Variants in PTPN5 observed in about 807,000 individuals in gnomAD.
PTPN5 encodes protein tyrosine phosphatase non-receptor type 5.
A neutral mutation model predicts 73.9 loss-of-function variants in PTPN5; 29 were observed. The observed-to-expected ratio is 0.39, with a 90% CI of 0.29 to 0.54. PTPN5 has a LOEUF of 0.54. Among genes scored for constraint, PTPN5 ranks in the 20% least tolerant of loss-of-function variants. The pLI is 0.65. For synonymous variants in PTPN5, 267 were observed against 304.7 expected (o/e 0.88, Z 1.29); for missense variants, 652 against 751.4 (o/e 0.87, Z 1.55).
chr11:18,742,583 GC>G lies in PTPN5; in HGVS notation c.484-81del, dbSNP rs936272518. ...TTCCTGGAGTGCCCATGGGATTGAC[GC>G]CCCCCCACTCCCTCAGTGTGTCTAG... On this transcript the variant is annotated intron_variant, in intron 6 of 14. Coordinates refer to ENST00000358540, the MANE Select transcript of PTPN5 (RefSeq NM_006906.2). This position sits in a 1 kb window ranked among gnomAD's most constrained non-coding sequence, Gnocchi z 4.1. The G allele has an allele frequency of 9.6e-6, 15 of 1,555,848 alleles. No homozygotes were observed. The highest frequency in any genetic ancestry group is 7.0e-5 in the Admixed American group (4 of 57,178).
intron 1 of PTPN5, among the ~76,000 whole-genome samples, chr11:18,773,101 A>C (rs1850982199): frequency 6.7e-6 from 1 of 149,384 alleles, no homozygotes; most frequent in South Asian, 2.1e-4. Flanking sequence ...AAAGAAATGT[A>C]GTCTAAAAGG....
chr11:18,757,127 G>A (rs1018220254), intron 3 of PTPN5, among the ~76,000 whole-genome samples: 1 of 152,038 alleles, frequency 6.6e-6, no homozygotes, highest in Non-Finnish European at 1.5e-5. Context: ...TTCTGAATCC[G>A]ACAATAAGAA....
chr11:18,790,275 TG>T (rs1326297742), intron 1 of PTPN5, among the ~76,000 whole-genome samples: 1 of 151,620 alleles, frequency 6.6e-6, no homozygotes. Context: ...GAGAAAGAGG[TG>T]GGGACCTCCG....
At chr11:18,765,973 T>C in intron 2 of PTPN5, 90 bp from the exon 3 acceptor site, 1 of 941,698 alleles carries the variant, frequency 1.1e-6, no homozygotes, top group Admixed American at 2.0e-5. Context: ...CCCTCTCCTG[T>C]ATTCTGTATC....
Position 18,728,866 on chromosome 11 carries a change from C to G in PTPN5, c.*68G>C. 1 of 1,488,086 alleles carries G rather than the reference C, an allele frequency of 6.7e-7. No homozygotes were observed. Among genetic ancestry groups the G allele is most frequent in the East Asian group, 2.3e-5 (1 of 43,644 alleles). The allele number at this position is 1,488,086 out of a possible 1,614,324, so 92.2% of individuals were successfully genotyped here. Reference sequence around the variant, plus strand: ...CGGGGAGCAGGCCCAGGACCCGAGGCAGGGCCCTGGGTGAGGGCCGAGACT... The same window carrying G: ...CGGGGAGCAGGCCCAGGACCCGAGGGAGGGCCCTGGGTGAGGGCCGAGACT... On this transcript the variant is annotated 3_prime_UTR_variant, in exon 15 of 15. Coordinates refer to ENST00000358540, the MANE Select transcript of PTPN5 (RefSeq NM_006906.2). This position sits in a 1 kb window ranked among gnomAD's most constrained non-coding sequence, Gnocchi z 4.1.
chr11:18,742,454 G>T lies in PTPN5; in HGVS notation c.533C>A (p.Pro178His), dbSNP rs779259591. ...TPPEPPTPLP[P>H]EDRRQSVSRQ... ...GCTCACTGACTGGCGCCTGTCCTCA[G>T]GGGGCAGTGGGGTGGGTGGCTCTGG... Residue 178 changes from proline (P) to histidine (H), a missense_variant, in exon 7 of 15, where the codon CCT becomes CAT. By Grantham distance (77) the Pro-to-His change is moderately conservative (BLOSUM62 -2). Coordinates refer to ENST00000358540, the MANE Select transcript of PTPN5 (RefSeq NM_006906.2). This position sits in a 1 kb window ranked among gnomAD's most constrained non-coding sequence, Gnocchi z 4.1. 2.5e-6 allele frequency: 4 copies of T among 1,614,068 alleles called. No individual in the cohort carries two copies. In the Admixed American group the frequency reaches 6.7e-5, roughly 27 times the overall value.
rs978512699 is a variant in PTPN5 at position 18,786,424 on chromosome 11, G to T, written c.-114+5101C>A. Reference sequence around the variant, plus strand: ...TCACCATGTTAGCCAGGATAGTCTCGATCTCCTGACCTCATGATCCGCCCA... The same window carrying T: ...TCACCATGTTAGCCAGGATAGTCTCTATCTCCTGACCTCATGATCCGCCCA... On this transcript the variant is annotated intron_variant, in intron 1 of 14. Transcript: ENST00000358540. Among the ~76,000 whole-genome samples, 3 of 152,034 alleles carry T rather than the reference G, an allele frequency of 2.0e-5. No homozygotes were observed. In the East Asian group the frequency reaches 5.8e-4, roughly 29 times the overall value.
At chr11:18,788,671 G>A (rs1851778689) in intron 1 of PTPN5, among the ~76,000 whole-genome samples, 1 of 152,118 alleles carries the variant, frequency 6.6e-6, no homozygotes, top group Admixed American at 6.5e-5. Context: ...TGTTTTTAAG[G>A]GGTTATCCGC....
At chr11:18,760,691 A>T (rs1850346087) in intron 3 of PTPN5, among the ~76,000 whole-genome samples, 1 of 152,240 alleles carries the variant, frequency 6.6e-6, no homozygotes, top group East Asian at 1.9e-4. Flanking sequence ...GGCTCCAGCC[A>T]GCTGCCCGCA....
chr11:18,764,044 T>C (rs1405561728), intron 3 of PTPN5, among the ~76,000 whole-genome samples: 1 of 152,254 alleles, frequency 6.6e-6, no homozygotes, highest in East Asian at 1.9e-4. Flanking sequence ...CCGAATTCTA[T>C]GACTCATATC....
chr11:18,783,593 T>C (rs145504219), intron 1 of PTPN5, among the ~76,000 whole-genome samples: 39 of 152,272 alleles, frequency 2.6e-4, no homozygotes, highest in Middle Eastern at 3.4e-3. Flanking sequence ...CACCTGCAAA[T>C]TGAGGATAAC....
intron 1 of PTPN5, among the ~76,000 whole-genome samples, chr11:18,786,636 A>T (rs1410248901): frequency 6.6e-6 from 1 of 152,108 alleles, no homozygotes; most frequent in East Asian, 1.9e-4. Flanking sequence ...CTGAGTTTCT[A>T]CCTTCTACAT....
chr11:18,746,162 A>ATATATATATATATAT (rs1849612886), intron 3 of PTPN5, among the ~76,000 whole-genome samples: 1 of 67,638 alleles, frequency 1.5e-5, no homozygotes, highest in African/African-American at 4.4e-5. Context: ...TATAAATATA[A>ATATATATATATATAT]ATATATATAT....
At chr11:18,783,612 T>C (rs1306873385) in intron 1 of PTPN5, among the ~76,000 whole-genome samples, 1 of 152,166 alleles carries the variant, frequency 6.6e-6, no homozygotes, top group Non-Finnish European at 1.5e-5. Context: ...ACAGAAACCG[T>C]CTTCACTGAA....
chr11:18,753,695 T>C (rs1849996520), intron 3 of PTPN5, among the ~76,000 whole-genome samples: 1 of 152,104 alleles, frequency 6.6e-6, no homozygotes, highest in Non-Finnish European at 1.5e-5. Context: ...CCTCACACAG[T>C]CCCCAAGGGA....
At position 18,742,615 on chromosome 11, in the gene PTPN5, C is replaced by A; in HGVS notation, c.484-112G>T. 4 of 1,443,090 alleles carry A rather than the reference C, an allele frequency of 2.8e-6. No homozygotes were observed. Among genetic ancestry groups the A allele is most frequent in the Non-Finnish European group, 3.7e-6 (4 of 1,076,168 alleles). 89.4% of individuals were successfully genotyped at this position (1,443,090 alleles called of 1,614,324 possible). ...CACTCCCTCAGTGTGTCTAGAGCAG[C>A]TCTGCTCTCCTGGGAGTTGTCCACA... is the stretch of plus-strand genomic sequence containing the variant. On this transcript the variant is annotated intron_variant, in intron 6 of 14. Coordinates refer to ENST00000358540, the MANE Select transcript of PTPN5 (RefSeq NM_006906.2). This position sits in a 1 kb window ranked among gnomAD's most constrained non-coding sequence, Gnocchi z 4.1.
chr11:18,742,404 C>T lies in PTPN5; in HGVS notation c.583G>A (p.Glu195Lys), dbSNP rs1321565407. ...TCCTCGATCTTCTCCTCCATCCACTCTGAGTAGGTGAAGGAGGGCTGGCGG... is the reference window on the plus strand; with the variant it reads ...TCCTCGATCTTCTCCTCCATCCACTTTGAGTAGGTGAAGGAGGGCTGGCGG... ...VSRQPSFTYS[E>K]WMEEKIEDDF... The change falls in exon 7 of 15, where the codon GAG (glutamate) becomes AAG (lysine). Residue 195 changes from glutamate to lysine, a missense_variant. Around this residue, in one of 3 missense-constraint regions of PTPN5, gnomAD observed 529 missense variants for 573.9 expected, o/e 0.92. Coordinates refer to ENST00000358540, the MANE Select transcript of PTPN5 (RefSeq NM_006906.2). The surrounding 1 kb of genome is among the most constrained non-coding windows in gnomAD (Gnocchi z 4.1). The T allele has an allele frequency of 1.2e-6, 2 of 1,614,070 alleles. No homozygotes were observed. Among genetic ancestry groups the T allele is most frequent in the Non-Finnish European group, 1.7e-6 (2 of 1,180,042 alleles).
intron 1 of PTPN5, among the ~76,000 whole-genome samples, chr11:18,790,933 G>A (rs1180513409): frequency 6.6e-6 from 1 of 152,174 alleles, no homozygotes; most frequent in East Asian, 1.9e-4. Flanking sequence ...TCCTTGATAA[G>A]GTAAGCCTCC....
intron 1 of PTPN5, among the ~76,000 whole-genome samples, chr11:18,785,550 A>T (rs1392550776): frequency 6.6e-6 from 1 of 152,166 alleles, no homozygotes; most frequent in East Asian, 1.9e-4. Context: ...CACAACTGTA[A>T]TTTATAATTT....
Sources: gnomAD v4.1 joint callset for allele counts (sites outside exome capture counted in the v4.1 genomes callset) on GRCh38, gnomAD v4.1.1 for gene constraint, gnomAD v4.1.1 regional missense constraint, Gnocchi (gnomAD v3.1) non-coding constraint, MANE v1.5 for transcripts, NCBI Gene and HGNC (gene_info 2026-07-23, HGNC 2026-07-21) for gene names.